Variants in PTPRM observed in about 807,000 individuals in gnomAD.
The protein encoded by PTPRM is receptor-type tyrosine-protein phosphatase mu.
PTPRM carries 47 observed loss-of-function variants against 186.7 expected under a neutral mutation model. The ratio of observed to expected loss-of-function variants is 0.25; its 90% CI spans 0.20 to 0.32. The LOEUF is 0.32. Ranked by LOEUF, PTPRM falls within the 10% of genes least tolerant of loss-of-function variation. The probability of loss-of-function intolerance (pLI) is 1.00; values close to 1 mark genes in which losing one functional copy is unlikely to be tolerated. For missense variants in PTPRM, 1,494 were observed against 1,865.0 expected, an observed-to-expected ratio of 0.80 and a Z score of 3.66; for synonymous variants, 668 against 674.9, an observed-to-expected ratio of 0.99 and a Z score of 0.16.
chr18:7,914,085 A>G (rs903579491), intron 4 of PTPRM, among the ~76,000 whole-genome samples: 8 of 152,156 alleles, frequency 5.3e-5, no homozygotes, highest in Admixed American at 5.2e-4. Flanking sequence ...TTTATTAAAT[A>G]GTGTGATTGA....
intron 14 of PTPRM, among the ~76,000 whole-genome samples, chr18:8,144,773 A>G (rs747935991): frequency 6.6e-6 from 1 of 152,238 alleles, no homozygotes; most frequent in Non-Finnish European, 1.5e-5. Flanking sequence ...TCTTCGATTT[A>G]TGTAAAAATC....
chr18:7,766,920 T>C (rs1350225081), intron 1 of PTPRM, among the ~76,000 whole-genome samples: 1 of 152,214 alleles, frequency 6.6e-6, no homozygotes, highest in Non-Finnish European at 1.5e-5. Flanking sequence ...AATACATGTT[T>C]ATATTTGCAT....
chr18:7,972,202 A>C (rs1489545066), intron 7 of PTPRM, among the ~76,000 whole-genome samples: 1 of 132,066 alleles, frequency 7.6e-6, no homozygotes, highest in Admixed American at 7.3e-5. Context: ...TCAGTAAACT[A>C]TCGCAAGAAG....
At chr18:7,983,580 T>TA (rs1195403062) in intron 7 of PTPRM, among the ~76,000 whole-genome samples, 2 of 152,166 alleles carry the variant, frequency 1.3e-5, no homozygotes, top group Non-Finnish European at 2.9e-5. Context: ...ACCTAAATCT[T>TA]ACCTTTTTTT....
intron 14 of PTPRM, among the ~76,000 whole-genome samples, chr18:8,173,111 G>A (rs184928441): frequency 6.6e-6 from 1 of 152,300 alleles, no homozygotes; most frequent in Non-Finnish European, 1.5e-5. Context: ...TAAGCTAGGT[G>A]CCGAGTATTA....
chr18:7,657,251 C>T (rs2038872529), intron 1 of PTPRM, among the ~76,000 whole-genome samples: 1 of 152,170 alleles, frequency 6.6e-6, no homozygotes, highest in Admixed American at 6.5e-5. Context: ...TTGACAGCAA[C>T]CAGATTACAG....
intron 1 of PTPRM, among the ~76,000 whole-genome samples, chr18:7,614,993 C>G (rs964073986): frequency 1.3e-5 from 2 of 152,070 alleles, no homozygotes; most frequent in Admixed American, 6.5e-5. Flanking sequence ...TTGTCCATCC[C>G]CTAGCCAACA....
intron 11 of PTPRM, among the ~76,000 whole-genome samples, chr18:8,090,635 G>A (rs1015195642): frequency 2.6e-5 from 4 of 152,014 alleles, no homozygotes; most frequent in Admixed American, 6.6e-5. Context: ...CACTCTGGTC[G>A]CCCAGGCTGG....
At chr18:8,129,257 T>C (rs981273779) in intron 13 of PTPRM, among the ~76,000 whole-genome samples, 1 of 152,166 alleles carries the variant, frequency 6.6e-6, no homozygotes, top group Non-Finnish European at 1.5e-5. Context: ...TTAAACCAGT[T>C]CATTCTTGAT....
At chr18:8,226,185 C>A (rs541067702) in intron 14 of PTPRM, among the ~76,000 whole-genome samples, 14 of 152,244 alleles carry the variant, frequency 9.2e-5, no homozygotes, top group Admixed American at 9.2e-4. Context: ...CATAACACAA[C>A]TTTGGTGATG....
chr18:7,615,466 T>C (rs1396802566), intron 1 of PTPRM, among the ~76,000 whole-genome samples: 1 of 152,136 alleles, frequency 6.6e-6, no homozygotes, highest in Admixed American at 6.5e-5. Flanking sequence ...CCCTGTGTCA[T>C]GCTACAGAGA....
chr18:7,963,700 C>G (rs2053831564), intron 7 of PTPRM, among the ~76,000 whole-genome samples: 1 of 152,230 alleles, frequency 6.6e-6, no homozygotes, highest in African/African-American at 2.4e-5. Context: ...AGCCATCTAA[C>G]ATGGGGAAGA....
intron 19 of PTPRM, among the ~76,000 whole-genome samples, chr18:8,274,749 G>A (rs2094813693): frequency 6.6e-6 from 1 of 152,186 alleles, no homozygotes; most frequent in South Asian, 2.1e-4. Context: ...GTTAAGCAAA[G>A]TTCAAAACTT....
At chr18:8,099,021 G>A (rs554185217) in intron 11 of PTPRM, among the ~76,000 whole-genome samples, 2 of 152,204 alleles carry the variant, frequency 1.3e-5, no homozygotes, top group South Asian at 2.1e-4. Flanking sequence ...TATCCTGGGT[G>A]GTTCCATGCC....
At chr18:8,330,807 G>A (rs760376524) in intron 22 of PTPRM, among the ~76,000 whole-genome samples, 8 of 152,112 alleles carry the variant, frequency 5.3e-5, no homozygotes, top group Non-Finnish European at 8.8e-5. Flanking sequence ...CTGTGCTGTG[G>A]ACATCTGTCA....
chr18:7,752,944 C>T (rs1032697382), intron 1 of PTPRM, among the ~76,000 whole-genome samples: 2 of 152,014 alleles, frequency 1.3e-5, no homozygotes, highest in Non-Finnish European at 2.9e-5. Context: ...TTCTTTCTGT[C>T]TAACCCCTCT....
chr18:8,376,133 C>G lies in PTPRM; in HGVS notation c.3259C>G (p.Leu1087Val). The G allele has an allele frequency of 6.2e-7, 1 of 1,614,026 alleles. No homozygotes were observed. The highest frequency in any genetic ancestry group is 8.5e-7 in the Non-Finnish European group (1 of 1,180,032). The part of the protein sequence containing the change: ...HGVPYHATGL[L>V]GFVRQVKSKS... Reference sequence around the variant, plus strand: ...GGTCCCCTACCATGCCACCGGCCTGCTGGGATTCGTGCGGCAAGTCAAGTC... The same window carrying G: ...GGTCCCCTACCATGCCACCGGCCTGGTGGGATTCGTGCGGCAAGTCAAGTC... Residue 1087 changes from leucine (L) to valine (V), a missense_variant, in exon 25 of 33, where the codon CTG becomes GTG. Transcript: ENST00000580170.
At position 7,654,502 on chromosome 18, in the gene PTPRM, G is replaced by A. The variant is rs181585719; in HGVS notation, c.73+86611G>A. On this transcript the variant is annotated intron_variant, in intron 1 of 32. Transcript: ENST00000580170. ...CTTCTGTTGCAGTTGCTTTGCTTTT[G>A]GCATCTTTGTCATGAAATCTTTGCC... Among the ~76,000 whole-genome samples the A allele has an allele frequency of 6.6e-5, 10 of 152,222 alleles. No homozygotes were observed. In the East Asian group the frequency reaches 1.7e-3, roughly 26 times the overall value.
intron 2 of PTPRM, among the ~76,000 whole-genome samples, chr18:7,872,841 T>A (rs8093327): frequency 0.11 from 17,466 of 152,164 alleles, 1,720 homozygotes; most frequent in African/African-American, 0.27. Flanking sequence ...AGAGAATTGG[T>A]CATCTGTTTT....
Sources: allele counts gnomAD v4.1 joint callset (sites outside exome capture counted in the v4.1 genomes callset), GRCh38; gene constraint gnomAD v4.1.1; transcripts MANE v1.5; gene names NCBI Gene and HGNC (gene_info 2026-07-23, HGNC 2026-07-21).